Variants in FRYL observed in about 807,000 individuals in gnomAD.
FRYL encodes the protein protein furry homolog-like.
FRYL carries 150 observed loss-of-function variants against 351.2 expected under a neutral mutation model. The observed-to-expected ratio is 0.43, with a 90% CI of 0.37 to 0.49. The LOEUF (loss-of-function observed/expected upper bound fraction) is 0.49, where lower values mean the gene tolerates loss of function less well. FRYL is among the 20% of genes least tolerant of loss of function. The pLI is 0.00. For missense variants in FRYL, 3,036 were observed against 3,619.3 expected (o/e 0.84, Z 4.13); for synonymous variants, 1,153 against 1,257.1 (o/e 0.92, Z 1.75).
At chr4:48,553,133 A>T in intron 36 of FRYL, 82 bp downstream of exon 36, 1 of 1,012,454 alleles carries the variant, frequency 9.9e-7, no homozygotes, top group Non-Finnish European at 1.5e-6. Flanking sequence ...TGGGACATAG[A>T]GACCCTAAAA....
At chr4:48,582,262 A>G (rs1197043300) in intron 20 of FRYL, among the ~76,000 whole-genome samples, 3 of 152,200 alleles carry the variant, frequency 2.0e-5, no homozygotes, top group African/African-American at 7.2e-5. Context: ...AATTATCTCT[A>G]ATTTCTATGC....
intron 2 of FRYL, among the ~76,000 whole-genome samples, chr4:48,702,714 T>C (rs7682859): frequency 7.3e-6 from 1 of 136,570 alleles, no homozygotes; most frequent in Non-Finnish European, 1.5e-5. Flanking sequence ...TGAGAGGAGA[T>C]CGGGCCACTG....
chr4:48,550,555 C>A, intron 38 of FRYL, 37 bp downstream of exon 38: 1 of 1,212,180 alleles, frequency 8.2e-7, no homozygotes, highest in South Asian at 1.2e-5. Context: ...TACACCTCAC[C>A]CTTATAGTTA....
intron 1 of FRYL, among the ~76,000 whole-genome samples, chr4:48,730,745 A>AGGAACAACTGG (rs1368531630): frequency 6.6e-6 from 1 of 151,720 alleles, no homozygotes; most frequent in Admixed American, 6.6e-5. Flanking sequence ...TAAACACTAA[A>AGGAACAACTGG]TACCAGCCAC....
intron 3 of FRYL, among the ~76,000 whole-genome samples, chr4:48,661,694 G>T (rs1000122098): frequency 6.6e-6 from 1 of 152,188 alleles, no homozygotes; most frequent in African/African-American, 2.4e-5. Flanking sequence ...TGTCACAAAT[G>T]GCAACATCCA....
At chr4:48,596,176 T>C (rs1368978729) in intron 13 of FRYL, among the ~76,000 whole-genome samples, 176 bp from the exon 14 acceptor site, 1 of 152,060 alleles carries the variant, frequency 6.6e-6, no homozygotes, top group Non-Finnish European at 1.5e-5. Flanking sequence ...TAACCATAAA[T>C]TTGGAAATTG....
chr4:48,651,254 GT>G (rs2149431485), intron 3 of FRYL, among the ~76,000 whole-genome samples: 1 of 128,008 alleles, frequency 7.8e-6, no homozygotes, highest in East Asian at 2.2e-4. Context: ...GTGTGTGTGT[GT>G]GTGTAGTGGT....
chr4:48,571,653 CATG>C (rs1738360289), intron 26 of FRYL: 2 of 985,300 alleles, frequency 2.0e-6, no homozygotes, highest in Non-Finnish European at 2.4e-6. Flanking sequence ...CTTCCAGGTG[CATG>C]ATAATTTACT....
intron 3 of FRYL, among the ~76,000 whole-genome samples, chr4:48,672,312 GC>G (rs529380444): frequency 1.3e-3 from 204 of 152,202 alleles, no homozygotes; most frequent in African/African-American, 4.6e-3. Context: ...TCACTGCCTG[GC>G]CCCCCATCAT....
At chr4:48,707,407 C>T (rs6447651) in intron 2 of FRYL, among the ~76,000 whole-genome samples, 77,479 of 151,934 alleles carry the variant, frequency 0.51, 20,239 homozygotes, top group South Asian at 0.61. Flanking sequence ...CTAGAATTTG[C>T]TTTAAAATAA....
chr4:48,565,066 T>C, intron 29 of FRYL, 23 bp from the exon 30 acceptor site: 1 of 1,350,546 alleles, frequency 7.4e-7, no homozygotes, highest in South Asian at 1.5e-5. Flanking sequence ...ATATTAGAAT[T>C]ACATTTAACA....
chr4:48,663,593 G>T (rs1426541929), intron 3 of FRYL, among the ~76,000 whole-genome samples: 1 of 150,980 alleles, frequency 6.6e-6, no homozygotes, highest in East Asian at 1.9e-4. Flanking sequence ...GGCTAACACG[G>T]TGAAACCCCG....
At chr4:48,725,875 T>C (rs1285991556) in intron 1 of FRYL, among the ~76,000 whole-genome samples, 1 of 152,144 alleles carries the variant, frequency 6.6e-6, no homozygotes, top group African/African-American at 2.4e-5. Context: ...TATGTATGTA[T>C]GGGAAAAAAA....
At chr4:48,556,878 G>T in intron 35 of FRYL, 100 bp downstream of exon 35, 1 of 1,077,474 alleles carries the variant, frequency 9.3e-7, no homozygotes, top group Non-Finnish European at 1.3e-6. Context: ...CCCTTGCCTT[G>T]CCTTGCCTCT....
chr4:48,535,427 T>C lies in FRYL; in HGVS notation c.6564+230A>G, dbSNP rs1412213383. Among the ~76,000 whole-genome samples, 4 of 152,250 alleles carry C rather than the reference T, an allele frequency of 2.6e-5. No homozygotes were observed. In the East Asian group the frequency reaches 7.7e-4, roughly 29 times the overall value. On this transcript the variant is annotated intron_variant, in intron 48 of 63. Transcript: ENST00000358350. ...TTATAAAAACTTCTTTTACACTTGA[T>C]AGGAAGTAACTTATATTTTTATCTT...
In FRYL at chr4:48,528,353, TGTCA is replaced by T. The variant is rs1415404779; in HGVS notation, c.6904-21_6904-18del. 6.3e-7 allele frequency: 1 copy of T among 1,581,862 alleles called. No individual in the cohort carries two copies. Among genetic ancestry groups the T allele is most frequent in the Admixed American group, 1.8e-5 (1 of 56,888 alleles). ...AATTGGTGTCTACACAGAAACAAAA[TGTCA>T]GTGTTTGGCTCAAATATTTCAACAT... On this transcript the variant is annotated intron_variant, in intron 50 of 63. Coordinates refer to ENST00000358350, the MANE Select transcript of FRYL (RefSeq NM_015030.2).
Position 48,649,102 on chromosome 4 carries a change from C to T in FRYL, c.-80-14612G>A, listed in dbSNP as rs191930111. 2.6e-4 allele frequency among the ~76,000 whole-genome samples: 40 copies of T among 152,172 alleles called. No individual in the cohort carries two copies. The South Asian group carries it at 6.8e-3, about 26-fold the overall frequency. ...ACACAGATACGTGTGCAAAGACATA[C>T]GATAGGTACTTACCACAATACTAGA... On this transcript the variant is annotated intron_variant, in intron 3 of 63. Coordinates refer to ENST00000358350, the MANE Select transcript of FRYL (RefSeq NM_015030.2).
intron 3 of FRYL, among the ~76,000 whole-genome samples, chr4:48,643,994 A>C (rs1256830685): frequency 6.6e-6 from 1 of 152,168 alleles, no homozygotes; most frequent in Non-Finnish European, 1.5e-5. Context: ...TCCAGGCTGG[A>C]GTGCAATAGC....
At chr4:48,510,615 A>G (rs771601315) in intron 58 of FRYL, among the ~76,000 whole-genome samples, 3 of 152,174 alleles carry the variant, frequency 2.0e-5, no homozygotes, top group Non-Finnish European at 2.9e-5. Flanking sequence ...TTTCCCATCT[A>G]GGACTCTGTA....
Sources: allele counts gnomAD v4.1 joint callset (sites outside exome capture counted in the v4.1 genomes callset), GRCh38; gene constraint gnomAD v4.1.1; transcripts MANE v1.5; gene names NCBI Gene and HGNC (gene_info 2026-07-23, HGNC 2026-07-21).